Variants in PDE9A observed in about 807,000 individuals in gnomAD.
The protein encoded by PDE9A is phosphodiesterase 9A.
A neutral mutation model predicts 87.4 loss-of-function variants in PDE9A; 60 were observed. That is an observed-to-expected ratio of 0.69 (90% CI 0.56 to 0.85). The LOEUF (loss-of-function observed/expected upper bound fraction) is 0.85. PDE9A is among the 40% of genes least tolerant of loss of function. The pLI is 0.00. For missense variants in PDE9A, 665 were observed against 779.0 expected, an observed-to-expected ratio of 0.85 and a Z score of 1.74; for synonymous variants, 272 against 279.4, an observed-to-expected ratio of 0.97 and a Z score of 0.27.
chr21:42,721,867 G>C (rs944330927), intron 4 of PDE9A, among the ~76,000 whole-genome samples: 1 of 152,122 alleles, frequency 6.6e-6, no homozygotes, highest in Non-Finnish European at 1.5e-5. Flanking sequence ...CGGACGTCTA[G>C]AGTGCTTATC....
Position 42,722,897 on chromosome 21 carries a change from C to G in PDE9A, c.263-8873C>G, listed in dbSNP as rs2050669342. On this transcript the variant is annotated intron_variant, in intron 4 of 19. Coordinates refer to ENST00000291539, the MANE Select transcript of PDE9A (RefSeq NM_002606.3). This position sits in a 1 kb window ranked among gnomAD's most constrained non-coding sequence, Gnocchi z 4.1. ...GGGTAGACTCAGGATTTGCCTGAAA[C>G]AAGTAAACAATTCCTGGAAGAAGTG... Among the ~76,000 whole-genome samples the G allele has an allele frequency of 6.6e-6, 1 of 152,218 alleles. No individual in the cohort carries two copies. Among genetic ancestry groups the G allele is most frequent in the African/African-American group, 2.4e-5 (1 of 41,454 alleles).
Position 42,762,182 on chromosome 21 carries a change from G to A in PDE9A, c.1185G>A (p.Glu395=). ...CCGTGGCCTTCCAGATCCTCGCCGA[G>A]CCTGAGTGCAACATCTTCTCCAACA... ...HCAVAFQILA[E]PECNIFSNIP... The change falls in exon 14 of 20, where the codon GAG becomes GAA. Residue 395 remains glutamate (E), a synonymous_variant. Coordinates refer to ENST00000291539, the MANE Select transcript of PDE9A (RefSeq NM_002606.3). 6.2e-7 allele frequency: 1 copy of A among 1,614,184 alleles called. No homozygotes were observed. Among genetic ancestry groups the A allele is most frequent in the Non-Finnish European group, 8.5e-7 (1 of 1,180,030 alleles).
At chr21:42,720,821 C>T (rs904684171) in intron 4 of PDE9A, among the ~76,000 whole-genome samples, 3 of 151,994 alleles carry the variant, frequency 2.0e-5, no homozygotes, top group African/African-American at 7.3e-5. Context: ...GCCTGGCCAA[C>T]GTGGAGAAAC....
chr21:42,713,648 C>A (rs1215137734), intron 4 of PDE9A, among the ~76,000 whole-genome samples: 1 of 151,882 alleles, frequency 6.6e-6, no homozygotes, highest in African/African-American at 2.4e-5. Flanking sequence ...TTATTTTGTC[C>A]TATGTCCCTT....
chr21:42,706,415 C>T (rs908978688), intron 4 of PDE9A, among the ~76,000 whole-genome samples: 4 of 152,120 alleles, frequency 2.6e-5, no homozygotes, highest in African/African-American at 7.2e-5. Context: ...GAGGCTGAGG[C>T]GGGCAGATCA....
rs2052921758 is a variant in PDE9A at position 42,739,893 on chromosome 21, A to C, written c.569-3883A>C. ...CCCTTGGTATTTATTTATCCTGCTC[A>C]GTATGATAAATAGCATTTTCCTCGG... On this transcript the variant is annotated intron_variant, in intron 7 of 19. Transcript: ENST00000291539. The surrounding 1 kb of genome is among the most constrained non-coding windows in gnomAD (Gnocchi z 4.1). 6.6e-6 allele frequency among the ~76,000 whole-genome samples: 1 copy of C among 152,208 alleles called. No homozygotes were observed. The highest frequency in any genetic ancestry group is 2.1e-4 in the South Asian group (1 of 4,834).
intron 4 of PDE9A, among the ~76,000 whole-genome samples, chr21:42,712,769 C>T (rs2049468438): frequency 6.6e-6 from 1 of 152,154 alleles, no homozygotes; most frequent in African/African-American, 2.4e-5. Context: ...GTTCTCTCTA[C>T]AGCTACTGAG....
chr21:42,667,966 G>A lies in PDE9A; in HGVS notation c.69+14083G>A, dbSNP rs141604732. Among the ~76,000 whole-genome samples, 695 of 133,542 alleles carry A rather than the reference G, an allele frequency of 5.2e-3. 4 individuals carry two copies. The highest frequency in any genetic ancestry group is 0.023 in the Middle Eastern group (6 of 264). The allele number at this position is 133,542 out of a possible 152,430, so 87.6% of individuals were successfully genotyped here. A position where few individuals can be genotyped will look rare whatever the true frequency, so the allele number is the denominator to read the frequency against. ...TGATGATGATGGAATGGGCGATGCC[G>A]GCTTACCAAGACATCCAAGCTCTCT... On this transcript the variant is annotated intron_variant, in intron 1 of 19. Transcript: ENST00000291539.
intron 3 of PDE9A, among the ~76,000 whole-genome samples, chr21:42,697,961 G>A (rs1421752986): frequency 6.6e-6 from 1 of 152,226 alleles, no homozygotes; most frequent in Non-Finnish European, 1.5e-5. Context: ...GCACAGTGGA[G>A]CACGCTCTTT....
At chr21:42,698,578 G>A (rs2060269496) in intron 3 of PDE9A, among the ~76,000 whole-genome samples, 1 of 152,076 alleles carries the variant, frequency 6.6e-6, no homozygotes, top group Admixed American at 6.6e-5. Flanking sequence ...GTTCATTTGG[G>A]GGATACAGCC....
chr21:42,688,099 A>G, intron 3 of PDE9A, 105 bp downstream of exon 3: 1 of 948,584 alleles, frequency 1.1e-6, no homozygotes, highest in Non-Finnish European at 1.7e-6. Context: ...AAAGGTGTGA[A>G]TTGACAGCAG....
At chr21:42,757,326 A>G (rs1273171552) in intron 10 of PDE9A, 1 of 152,354 alleles carries the variant, frequency 6.6e-6, no homozygotes, top group African/African-American at 2.4e-5. Context: ...AGTTTTCCAG[A>G]TAGATTTTCT....
At chr21:42,654,582 G>C (rs923039079) in intron 1 of PDE9A, among the ~76,000 whole-genome samples, 1 of 152,170 alleles carries the variant, frequency 6.6e-6, no homozygotes, top group Non-Finnish European at 1.5e-5. Flanking sequence ...AAGTCCCCAG[G>C]GAAAAGCCAT....
Position 42,721,856 on chromosome 21 carries a change from C to T in PDE9A, c.263-9914C>T, listed in dbSNP as rs576296759. Among the ~76,000 whole-genome samples, 13 of 152,230 alleles carry T rather than the reference C, an allele frequency of 8.5e-5. No homozygotes were observed. In the South Asian group the frequency reaches 2.7e-3, roughly 32 times the overall value. ...CCCTGCTCCCACCCCCCACAATCTT[C>T]CGGACGTCTAGAGTGCTTATCTCTT... On this transcript the variant is annotated intron_variant, in intron 4 of 19. Coordinates refer to ENST00000291539, the MANE Select transcript of PDE9A (RefSeq NM_002606.3).
chr21:42,771,792 C>T (rs58162385), intron 18 of PDE9A, among the ~76,000 whole-genome samples: 2,278 of 152,358 alleles, frequency 0.015, 55 homozygotes, highest in African/African-American at 0.052. Context: ...ACATGGTAGG[C>T]GCTCAGCAAT....
intron 8 of PDE9A, among the ~76,000 whole-genome samples, chr21:42,746,176 G>A (rs371734534): frequency 3.3e-5 from 5 of 152,208 alleles, no homozygotes; most frequent in Admixed American, 1.3e-4. Flanking sequence ...GCGAGTGCTC[G>A]GATCACACGC....
rs773788865 is a variant in PDE9A, at chr21:42,731,780, G to A, written c.273G>A (p.Glu91=). Residue 91 remains glutamate, a synonymous_variant, in exon 5 of 20, where the codon GAG becomes GAA. Transcript: ENST00000291539. ...VAIKQLSAGV[E]DKRTTSRGQS... Reference sequence around the variant, plus strand: ...GCCTGCTTTTTATAGCTGGTGTCGAGGACAAGAGAACCACAAGCCGTGGCC... The same window carrying A: ...GCCTGCTTTTTATAGCTGGTGTCGAAGACAAGAGAACCACAAGCCGTGGCC... The A allele has an allele frequency of 6.2e-7, 1 of 1,612,780 alleles. No individual in the cohort carries two copies. The highest frequency in any genetic ancestry group is 1.1e-5 in the South Asian group (1 of 90,874).
intron 7 of PDE9A, among the ~76,000 whole-genome samples, chr21:42,735,794 T>C (rs2052343822): frequency 6.6e-6 from 1 of 152,192 alleles, no homozygotes; most frequent in Non-Finnish European, 1.5e-5. Flanking sequence ...TAAGGTCCCA[T>C]TCACAAGTTC....
chr21:42,703,020 G>A (rs2048499858), intron 4 of PDE9A, among the ~76,000 whole-genome samples: 1 of 152,232 alleles, frequency 6.6e-6, no homozygotes, highest in South Asian at 2.1e-4. Context: ...TATTTTTTTG[G>A]GAGGAGGCGG....
Sources: gnomAD v4.1 joint callset for allele counts (sites outside exome capture counted in the v4.1 genomes callset) on GRCh38, gnomAD v4.1.1 for gene constraint, Gnocchi (gnomAD v3.1) non-coding constraint, MANE v1.5 for transcripts, NCBI Gene and HGNC (gene_info 2026-07-23, HGNC 2026-07-21) for gene names.